CILK1: variants seen among roughly 807,000 people sequenced by gnomAD.
CILK1 encodes the protein ciliogenesis associated kinase 1.
Under a neutral mutation model 79.2 loss-of-function variants are expected in CILK1, and 47 were observed. The observed-to-expected ratio is 0.59, with a 90% CI of 0.47 to 0.76. CILK1 has a LOEUF of 0.76. CILK1 is among the 30% of genes least tolerant of loss of function. The pLI, the probability that CILK1 is intolerant of heterozygous loss-of-function variation, is 0.00. For missense variants in CILK1, 660 were observed against 769.5 expected (o/e 0.86, Z 1.68); for synonymous variants, 266 against 275.9 (o/e 0.96, Z 0.36).
Position 53,024,120 on chromosome 6 carries a change from T to C in CILK1, c.359-4761A>G, listed in dbSNP as rs141585019. On this transcript the variant is annotated intron_variant, in intron 5 of 13. Coordinates refer to ENST00000676107, the MANE Select transcript of CILK1 (RefSeq NM_014920.5). ...TAGCACATGCATACACGGGTTTGTATGTATATTGTGAAATATTTATGAATA... is the reference window on the plus strand; with the variant it reads ...TAGCACATGCATACACGGGTTTGTACGTATATTGTGAAATATTTATGAATA... Among the ~76,000 whole-genome samples, 293 of 152,372 alleles carry C rather than the reference T, an allele frequency of 1.9e-3. 1 individual carries two copies. The highest frequency in any genetic ancestry group is 6.8e-3 in the African/African-American group (282 of 41,586).
chr6:53,040,103 T>C (rs749639363), intron 2 of CILK1, among the ~76,000 whole-genome samples: 8 of 152,152 alleles, frequency 5.3e-5, no homozygotes, highest in Non-Finnish European at 1.0e-4. Flanking sequence ...GTGTGAAATG[T>C]CTGCAGGGCA....
intron 5 of CILK1, among the ~76,000 whole-genome samples, chr6:53,024,427 A>G (rs900881238): frequency 1.2e-4 from 18 of 152,212 alleles, no homozygotes; most frequent in Admixed American, 7.9e-4. Context: ...ACAGTGGGTG[A>G]CATCTCTAAG....
intron 9 of CILK1, among the ~76,000 whole-genome samples, chr6:53,012,560 T>C (rs537804162): frequency 1.3e-5 from 2 of 152,364 alleles, no homozygotes; most frequent in South Asian, 2.1e-4. Flanking sequence ...GTTATAAATA[T>C]GGATGTAAGA....
chr6:53,041,080 C>T (rs1289897173), intron 2 of CILK1, 56 bp downstream of exon 2: 44 of 1,153,312 alleles, frequency 3.8e-5, no homozygotes, highest in Middle Eastern at 1.9e-4. Flanking sequence ...GTTACAAAGA[C>T]GGGTAATGGT....
chr6:53,039,612 G>C (rs1218059177), intron 2 of CILK1, among the ~76,000 whole-genome samples: 1 of 152,220 alleles, frequency 6.6e-6, no homozygotes, highest in East Asian at 1.9e-4. Context: ...CACCTTGGTT[G>C]AAAGTCTCCC....
chr6:53,022,062 TTATAG>T (rs1765277574), intron 5 of CILK1, among the ~76,000 whole-genome samples: 1 of 152,094 alleles, frequency 6.6e-6, no homozygotes, highest in African/African-American at 2.4e-5. Context: ...CAGTAAAAGC[TTATAG>T]AATAGGGATA....
intron 3 of CILK1, among the ~76,000 whole-genome samples, chr6:53,035,786 C>T (rs1332957272): frequency 6.6e-6 from 1 of 152,138 alleles, no homozygotes; most frequent in Non-Finnish European, 1.5e-5. Context: ...CCTTCCTTTC[C>T]CTTCCCCTTC....
chr6:53,056,732 C>T (rs1298213214), intron 1 of CILK1, among the ~76,000 whole-genome samples: 4 of 152,192 alleles, frequency 2.6e-5, no homozygotes, highest in Non-Finnish European at 4.4e-5. Flanking sequence ...GGCACAAGTA[C>T]GGACTCACAA....
intron 2 of CILK1, among the ~76,000 whole-genome samples, chr6:53,040,330 G>A (rs779456278): frequency 1.3e-5 from 2 of 152,176 alleles, no homozygotes; most frequent in Non-Finnish European, 2.9e-5. Flanking sequence ...CTCAGTACAA[G>A]TCTCTCATTG....
At chr6:53,057,926 A>G (rs1768039756) in intron 1 of CILK1, 1 of 152,192 alleles carries the variant, frequency 6.6e-6, no homozygotes, top group Non-Finnish European at 1.5e-5. Context: ...TCCTGAGCCC[A>G]TATAGTTTAA....
chr6:53,012,628 C>T (rs1764644157), intron 9 of CILK1, among the ~76,000 whole-genome samples: 2 of 151,796 alleles, frequency 1.3e-5, no homozygotes, highest in African/African-American at 2.4e-5. Context: ...GCAAATAATG[C>T]TTTTTTTTGC....
rs1764154603 is a variant in CILK1, at chr6:53,005,282, A to G, written c.1766T>C (p.Met589Thr). 10 of 1,613,572 alleles carry G rather than the reference A, an allele frequency of 6.2e-6. No individual in the cohort carries two copies. In the East Asian group the frequency reaches 1.3e-4, roughly 22 times the overall value. Reference sequence around the variant, plus strand: ...GAATGGTCGCCCAGGATGAGGTCTCATGGCCTTCAGGGAGGAATAACCTGC... The same window carrying G: ...GAATGGTCGCCCAGGATGAGGTCTCGTGGCCTTCAGGGAGGAATAACCTGC... ...PSPGYSSLKA[M>T]RPHPGRPFFH... The change falls in exon 14 of 14, where the codon ATG becomes ACG. Residue 589 changes from methionine to threonine, a missense_variant. Coordinates refer to ENST00000676107, the MANE Select transcript of CILK1 (RefSeq NM_014920.5).
intron 11 of CILK1, among the ~76,000 whole-genome samples, chr6:53,011,044 A>G (rs1425705298): frequency 1.3e-5 from 2 of 152,194 alleles, no homozygotes; most frequent in African/African-American, 4.8e-5. Context: ...CTAATGCTGT[A>G]AGTTTGGAAT....
chr6:53,042,674 ATAATG>A (rs1194566829), intron 1 of CILK1, among the ~76,000 whole-genome samples: 1 of 152,372 alleles, frequency 6.6e-6, no homozygotes, highest in East Asian at 1.9e-4. Flanking sequence ...AACTGTAGTA[ATAATG>A]TAAAGTGACT....
At chr6:53,032,433 A>G (rs1766029413) in intron 4 of CILK1, 100 bp downstream of exon 4, 1 of 633,644 alleles carries the variant, frequency 1.6e-6, no homozygotes, top group East Asian at 4.9e-5. Flanking sequence ...AAAAAATAAA[A>G]AAAGAAAAAA....
At chr6:53,052,634 G>A (rs1335650393) in intron 1 of CILK1, among the ~76,000 whole-genome samples, 2 of 151,990 alleles carry the variant, frequency 1.3e-5, no homozygotes, top group African/African-American at 4.8e-5. Context: ...AGAAGGCTGA[G>A]GCAGGAGAAT....
At chr6:53,036,221 T>C (rs1354443015) in intron 3 of CILK1, among the ~76,000 whole-genome samples, 3 of 152,246 alleles carry the variant, frequency 2.0e-5, no homozygotes, top group African/African-American at 7.2e-5. Flanking sequence ...CATGGATACC[T>C]CTCAGAACTT....
intron 1 of CILK1, among the ~76,000 whole-genome samples, chr6:53,043,758 G>A (rs1766868554): frequency 6.6e-6 from 1 of 152,004 alleles, no homozygotes; most frequent in Admixed American, 6.6e-5. Flanking sequence ...GGATGGGGGT[G>A]TGGATGGGAG....
chr6:53,050,912 T>G (rs1176549852), intron 1 of CILK1, among the ~76,000 whole-genome samples: 1 of 152,192 alleles, frequency 6.6e-6, no homozygotes, highest in Non-Finnish European at 1.5e-5. Flanking sequence ...TTAAGACACT[T>G]AAGTGTCAAC....
Sources: allele counts gnomAD v4.1 joint callset (sites outside exome capture counted in the v4.1 genomes callset), GRCh38; gene constraint gnomAD v4.1.1; transcripts MANE v1.5; gene names NCBI Gene and HGNC (gene_info 2026-07-23, HGNC 2026-07-21).